Variants in KAZN observed in about 807,000 individuals in gnomAD.
KAZN encodes kazrin.
In KAZN, 40 loss-of-function variants were observed where a neutral mutation model predicts 87.4. That is an observed-to-expected ratio of 0.46 (90% confidence interval 0.36 to 0.60). The LOEUF is 0.60. Ranked by LOEUF, KAZN falls within the 20% of genes least tolerant of loss-of-function variation. The probability of loss-of-function intolerance (pLI) is 0.00; values close to 1 mark genes in which losing one functional copy is unlikely to be tolerated. For synonymous variants in KAZN, 466 were observed against 458.3 expected, an observed-to-expected ratio of 1.02 and a Z score of -0.22; for missense variants, 898 against 1,073.9, an observed-to-expected ratio of 0.84 and a Z score of 2.29.
At chr1:14,337,236 G>T (rs1417054314) in intron 2 of KAZN, among the ~76,000 whole-genome samples, 2 of 152,210 alleles carry the variant, frequency 1.3e-5, no homozygotes, top group Non-Finnish European at 2.9e-5. Flanking sequence ...ATATGGTGCA[G>T]GCAGGTGTCA....
chr1:13,992,996 A>T (rs1204215267), intron 1 of KAZN, among the ~76,000 whole-genome samples: 2 of 152,190 alleles, frequency 1.3e-5, no homozygotes, highest in Non-Finnish European at 2.9e-5. Context: ...AGAGTCTATG[A>T]CTGGTGGACC....
chr1:14,464,279 G>A (rs1668001039), intron 2 of KAZN, among the ~76,000 whole-genome samples: 1 of 152,178 alleles, frequency 6.6e-6, no homozygotes, highest in South Asian at 2.1e-4. Flanking sequence ...GCAAAGTAGT[G>A]TTATAATTTT....
intron 1 of KAZN, among the ~76,000 whole-genome samples, chr1:14,792,961 T>G (rs1572494921): frequency 5.5e-5 from 7 of 126,938 alleles, no homozygotes; most frequent in Admixed American, 1.7e-4. Flanking sequence ...GGCAACAGAG[T>G]GAGACTCTGT....
At chr1:14,886,876 GTTTA>G (rs2101132561) in intron 1 of KAZN, among the ~76,000 whole-genome samples, 1 of 152,290 alleles carries the variant, frequency 6.6e-6, no homozygotes, top group Admixed American at 6.5e-5. Flanking sequence ...GTGTCTGAGT[GTTTA>G]TTTAGTCGTT....
intron 1 of KAZN, among the ~76,000 whole-genome samples, chr1:13,981,089 T>C (rs71510954): frequency 2.5e-4 from 16 of 63,122 alleles, no homozygotes; most frequent in South Asian, 4.8e-4. Context: ...AAATTACTCT[T>C]TATATATATA....
At chr1:14,447,726 G>T (rs889571375) in intron 2 of KAZN, among the ~76,000 whole-genome samples, 1 of 152,108 alleles carries the variant, frequency 6.6e-6, no homozygotes, top group African/African-American at 2.4e-5. Context: ...GGGGTTGGGG[G>T]TCTCTCATTC....
chr1:14,424,578 A>C (rs1244989218), intron 2 of KAZN, among the ~76,000 whole-genome samples: 3 of 152,158 alleles, frequency 2.0e-5, no homozygotes, highest in East Asian at 3.9e-4. Context: ...CATAAATGGC[A>C]CCCTCTAGAG....
At chr1:14,937,708 G>A (rs1022553475) in intron 1 of KAZN, among the ~76,000 whole-genome samples, 1 of 152,250 alleles carries the variant, frequency 6.6e-6, no homozygotes, top group Non-Finnish European at 1.5e-5. Context: ...TGAGCACGCT[G>A]AGGTCAGCAA....
chr1:14,688,577 G>A (rs978012442), intron 1 of KAZN, among the ~76,000 whole-genome samples: 6 of 152,224 alleles, frequency 3.9e-5, no homozygotes, highest in East Asian at 1.9e-4. Context: ...TATAAAACAC[G>A]ATGAAGTAAA....
intron 2 of KAZN, among the ~76,000 whole-genome samples, chr1:14,473,391 G>A (rs549832259): frequency 6.6e-6 from 1 of 152,248 alleles, no homozygotes; most frequent in Admixed American, 6.5e-5. Context: ...CACTTTGGGA[G>A]GCCGAGGTGG....
chr1:14,614,799 T>G (rs189998024), intron 1 of KAZN, among the ~76,000 whole-genome samples: 75 of 152,340 alleles, frequency 4.9e-4, no homozygotes, highest in South Asian at 2.9e-3. Flanking sequence ...GAAAGATTTG[T>G]TTGAACAAAC....
At chr1:15,027,874 C>A (rs755295561) in intron 2 of KAZN, among the ~76,000 whole-genome samples, 2 of 152,166 alleles carry the variant, frequency 1.3e-5, no homozygotes, top group Non-Finnish European at 2.9e-5. Context: ...CCGTCCTGTC[C>A]CACATCTGGG....
At position 14,769,070 on chromosome 1, in the gene KAZN, A is replaced by G. The variant is rs1279035038; in HGVS notation, c.226+169847A>G. 6.6e-6 allele frequency among the ~76,000 whole-genome samples: 1 copy of G among 152,206 alleles called. No individual in the cohort carries two copies. Among genetic ancestry groups the G allele is most frequent in the Non-Finnish European group, 1.5e-5 (1 of 68,038 alleles). ...TGAGTGAATTAATTACCAGGCAAAGAGCCCATTTGAAGGCTCAACCCTTTA... is the reference window on the plus strand; with the variant it reads ...TGAGTGAATTAATTACCAGGCAAAGGGCCCATTTGAAGGCTCAACCCTTTA... On this transcript the variant is annotated intron_variant, in intron 1 of 14. Coordinates refer to ENST00000376030, the MANE Select transcript of KAZN (RefSeq NM_201628.3). This position sits in a 1 kb window ranked among gnomAD's most constrained non-coding sequence, Gnocchi z 4.1.
intron 1 of KAZN, among the ~76,000 whole-genome samples, chr1:14,910,402 C>T: frequency 6.6e-6 from 1 of 152,164 alleles, no homozygotes; most frequent in East Asian, 1.9e-4. Context: ...TTGATTCAGC[C>T]CAGGGTTTCT....
intron 1 of KAZN, among the ~76,000 whole-genome samples, chr1:14,813,282 T>A (rs1223794680): frequency 6.6e-6 from 1 of 152,204 alleles, no homozygotes; most frequent in African/African-American, 2.4e-5. Context: ...AGTAATACAA[T>A]GCAACAGAAG....
intron 1 of KAZN, among the ~76,000 whole-genome samples, chr1:13,962,735 T>C (rs35241679): frequency 0.22 from 33,161 of 151,860 alleles, 3,996 homozygotes; most frequent in East Asian, 0.49. Context: ...GTTTTGTATT[T>C]TTAGTAGAGT....
intron 1 of KAZN, among the ~76,000 whole-genome samples, chr1:14,816,790 A>C (rs2100807901): frequency 6.6e-6 from 1 of 152,326 alleles, no homozygotes; most frequent in South Asian, 2.1e-4. Context: ...TTATCTAAAT[A>C]GATAGAGATG....
chr1:14,974,387 T>C (rs928069274), intron 2 of KAZN, among the ~76,000 whole-genome samples: 51 of 152,154 alleles, frequency 3.4e-4, no homozygotes, highest in African/African-American at 1.1e-3. Flanking sequence ...AAAGTAAATG[T>C]ATGCTGTTTT....
intron 1 of KAZN, among the ~76,000 whole-genome samples, chr1:14,832,336 A>C (rs1258167059): frequency 1.3e-5 from 2 of 152,152 alleles, no homozygotes; most frequent in Non-Finnish European, 2.9e-5. Flanking sequence ...CTTCATTCTT[A>C]AGCAGGGCCT....
Sources: allele counts gnomAD v4.1 joint callset (sites outside exome capture counted in the v4.1 genomes callset), GRCh38; gene constraint gnomAD v4.1.1; non-coding constraint Gnocchi (gnomAD v3.1); transcripts MANE v1.5; gene names NCBI Gene and HGNC (gene_info 2026-07-23, HGNC 2026-07-21).